Variants in MGAT4C observed in about 807,000 individuals in gnomAD.
MGAT4C encodes the protein MGAT4 family member C.
In MGAT4C, 19 loss-of-function variants were observed where a neutral mutation model predicts 40.1. The ratio of observed to expected loss-of-function variants is 0.47; its 90% confidence interval spans 0.33 to 0.70. The LOEUF is 0.70. MGAT4C is among the 30% of genes least tolerant of loss of function. MGAT4C has a pLI of 0.02. For synonymous variants in MGAT4C, 181 were observed against 187.1 expected (o/e 0.97, Z 0.27); for missense variants, 491 against 563.2 (o/e 0.87, Z 1.30).
At chr12:86,510,114 G>A (rs1337419017) in intron 2 of MGAT4C, among the ~76,000 whole-genome samples, 2 of 152,158 alleles carry the variant, frequency 1.3e-5, no homozygotes, top group African/African-American at 2.4e-5. Flanking sequence ...TAGGAGTGGT[G>A]AGAGAGGACA....
At chr12:86,788,088 T>C (rs1395018598) in intron 1 of MGAT4C, among the ~76,000 whole-genome samples, 2 of 151,724 alleles carry the variant, frequency 1.3e-5, no homozygotes, top group Non-Finnish European at 2.9e-5. Context: ...TTTTCATGTA[T>C]GTATTTACTT....
chr12:86,812,700 T>C (rs1264946062), intron 1 of MGAT4C, among the ~76,000 whole-genome samples: 1 of 152,170 alleles, frequency 6.6e-6, no homozygotes, highest in Non-Finnish European at 1.5e-5. Flanking sequence ...ACCTATGTTG[T>C]TGAATGTGAA....
At chr12:86,357,949 C>T (rs1205896676) in intron 3 of MGAT4C, among the ~76,000 whole-genome samples, 1 of 152,028 alleles carries the variant, frequency 6.6e-6, no homozygotes, top group African/African-American at 2.4e-5. Context: ...GCAAGGCAGG[C>T]CAACATTCAA....
chr12:86,415,229 G>A (rs1166200702), intron 3 of MGAT4C, among the ~76,000 whole-genome samples: 1 of 151,998 alleles, frequency 6.6e-6, no homozygotes, highest in Non-Finnish European at 1.5e-5. Context: ...GAAGAGTTAA[G>A]TCAATTACAG....
intron 1 of MGAT4C, among the ~76,000 whole-genome samples, chr12:86,768,899 T>TA (rs1306649052): frequency 3.9e-5 from 6 of 151,936 alleles, no homozygotes; most frequent in Non-Finnish European, 7.4e-5. Context: ...ACATTAGACC[T>TA]AAAACCATAA....
At chr12:86,395,405 T>C (rs775000562) in intron 3 of MGAT4C, among the ~76,000 whole-genome samples, 3 of 152,158 alleles carry the variant, frequency 2.0e-5, no homozygotes, top group Non-Finnish European at 1.5e-5. Context: ...TAAACCAATA[T>C]ACATTCAGGA....
At chr12:86,808,913 T>C (rs1952417257) in intron 1 of MGAT4C, among the ~76,000 whole-genome samples, 1 of 152,104 alleles carries the variant, frequency 6.6e-6, no homozygotes, top group Non-Finnish European at 1.5e-5. Flanking sequence ...CTTCTTAAGC[T>C]GGTAAGCAAC....
intron 4 of MGAT4C, among the ~76,000 whole-genome samples, chr12:86,265,324 C>A (rs1253186616): frequency 6.6e-6 from 1 of 152,222 alleles, no homozygotes; most frequent in Non-Finnish European, 1.5e-5. Context: ...CACAGAGGTT[C>A]CCAGCTGGCG....
At chr12:86,589,731 G>T (rs1396670013) in intron 2 of MGAT4C, among the ~76,000 whole-genome samples, 1 of 152,018 alleles carries the variant, frequency 6.6e-6, no homozygotes, top group Non-Finnish European at 1.5e-5. Flanking sequence ...TCATCCCTGG[G>T]ATGCAAGGCT....
At chr12:86,098,058 G>C (rs922077700) in intron 1 of MGAT4C, among the ~76,000 whole-genome samples, 12 of 151,520 alleles carry the variant, frequency 7.9e-5, no homozygotes. Flanking sequence ...CTTTTCAAAT[G>C]GCTCTATGTT....
At chr12:86,368,307 T>C (rs1955646071) in intron 3 of MGAT4C, among the ~76,000 whole-genome samples, 1 of 152,190 alleles carries the variant, frequency 6.6e-6, no homozygotes. Flanking sequence ...ATTTTAGTCA[T>C]GTTAAATGTT....
At chr12:86,765,337 A>G in intron 1 of MGAT4C, among the ~76,000 whole-genome samples, 1 of 152,154 alleles carries the variant, frequency 6.6e-6, no homozygotes, top group East Asian at 1.9e-4. Context: ...AAAGAAATGA[A>G]CAAAGCCTCC....
intron 1 of MGAT4C, among the ~76,000 whole-genome samples, chr12:86,139,225 A>C (rs1051774720): frequency 2.0e-5 from 3 of 152,198 alleles, no homozygotes; most frequent in Non-Finnish European, 4.4e-5. Flanking sequence ...TAAGACTAAC[A>C]TGCCAAATGA....
At chr12:86,369,646 T>A (rs1955679246) in intron 3 of MGAT4C, among the ~76,000 whole-genome samples, 1 of 152,054 alleles carries the variant, frequency 6.6e-6, no homozygotes, top group Non-Finnish European at 1.5e-5. Context: ...GAGGTCAGAA[T>A]TTATTTTTTT....
intron 3 of MGAT4C, among the ~76,000 whole-genome samples, chr12:86,371,103 G>A (rs1955706448): frequency 6.6e-6 from 1 of 151,912 alleles, no homozygotes; most frequent in Admixed American, 6.6e-5. Flanking sequence ...CACATGCCTT[G>A]GGTTAGTATT....
intron 2 of MGAT4C, among the ~76,000 whole-genome samples, chr12:86,045,663 T>G (rs1350697911): frequency 3.3e-5 from 5 of 152,324 alleles, no homozygotes; most frequent in African/African-American, 1.2e-4. Flanking sequence ...TCTATTTTGA[T>G]AATCAGAGAA....
chr12:86,714,861 G>A (rs80268613), intron 2 of MGAT4C, among the ~76,000 whole-genome samples: 4 of 152,008 alleles, frequency 2.6e-5, no homozygotes, highest in South Asian at 2.1e-4. Context: ...AAGATGTAAC[G>A]AGAATAAGAG....
chr12:86,199,769 T>C (rs1338842711), intron 1 of MGAT4C, among the ~76,000 whole-genome samples: 3 of 152,164 alleles, frequency 2.0e-5, no homozygotes, highest in Non-Finnish European at 2.9e-5. Context: ...TTGTTATTTT[T>C]GGAAAATGTG....
At chr12:86,027,109 C>T (rs936519016) in intron 2 of MGAT4C, among the ~76,000 whole-genome samples, 3 of 151,750 alleles carry the variant, frequency 2.0e-5, no homozygotes, top group South Asian at 4.1e-4. Flanking sequence ...CAAGAAATAA[C>T]GAATTTTTCA....
Sources: gnomAD v4.1 joint callset for allele counts (sites outside exome capture counted in the v4.1 genomes callset) on GRCh38, gnomAD v4.1.1 for gene constraint, MANE v1.5 for transcripts, NCBI Gene and HGNC (gene_info 2026-07-23, HGNC 2026-07-21) for gene names.